Variants in H3C3 observed in about 807,000 individuals in gnomAD.
H3C3 encodes the protein histone H3.1.
Under a neutral mutation model 7.7 loss-of-function variants are expected in H3C3, and 14 were observed. That is an observed-to-expected ratio of 1.81 (90% confidence interval 1.20 to 2.83). The LOEUF (loss-of-function observed/expected upper bound fraction) is 2.83, where lower values mean the gene tolerates loss of function less well. Among genes scored for constraint, H3C3 ranks in the 30% most tolerant of loss-of-function variants. The pLI, the probability that H3C3 is intolerant of heterozygous loss-of-function variation, is 0.00. For synonymous variants in H3C3, 178 were observed against 77.1 expected (o/e 2.31, Z -6.86); for missense variants, 205 against 191.2 (o/e 1.07, Z -0.43).
rs372805543 is a variant in H3C3, at chr6:26,045,385, C to A, written c.-26C>A. The A allele has an allele frequency of 6.3e-7, 1 of 1,587,046 alleles. No individual in the cohort carries two copies. The highest frequency in any genetic ancestry group is 1.4e-5 in the African/African-American group (1 of 72,928). On this transcript the variant is annotated 5_prime_UTR_variant, in exon 1 of 1. Transcript: ENST00000612966. ...AAGGCCACTTGCTCTCAGTTCACTA[C>A]ACTTTTGTGTGTGCTCTCATTGCAA...
chr6:26,045,640 A>C lies in H3C3; in HGVS notation c.230A>C (p.Gln77Pro). Residue 77 changes from glutamine to proline, a missense_variant, in exon 1 of 1, where the codon CAG becomes CCG. By Grantham distance (76) the Gln-to-Pro change is moderately conservative. Coordinates refer to ENST00000612966, the MANE Select transcript of H3C3 (RefSeq NM_003531.3). ...PFQRLVREIA[Q>P]DFKTDLRFQS... ...CAGCGCCTGGTGCGAGAAATCGCCC[A>C]GGACTTCAAAACCGACCTGCGTTTC... 6.2e-7 allele frequency: 1 copy of C among 1,614,260 alleles called. No homozygotes were observed. The highest frequency in any genetic ancestry group is 8.5e-7 in the Non-Finnish European group (1 of 1,180,044).
At position 26,045,828 on chromosome 6, in the gene H3C3, C is replaced by G. The variant is rs776050204; in HGVS notation, c.*7C>G. 1 of 1,610,142 alleles carries G rather than the reference C, an allele frequency of 6.2e-7. No individual in the cohort carries two copies. The highest frequency in any genetic ancestry group is 1.3e-5 in the African/African-American group (1 of 74,666). On this transcript the variant is annotated 3_prime_UTR_variant, in exon 1 of 1. Transcript: ENST00000612966. ...CCGTGGGGAAAGGGCATAAGTCTGC[C>G]CGTTTCTTCCTCATTGAAAAGGCTC... is the stretch of plus-strand genomic sequence containing the variant.
In H3C3 at chr6:26,045,390, T is replaced by G. The variant is rs377019062; in HGVS notation, c.-21T>G. The G allele has an allele frequency of 1.9e-6, 3 of 1,590,444 alleles. No individual in the cohort carries two copies. The highest frequency in any genetic ancestry group is 2.6e-6 in the Non-Finnish European group (3 of 1,173,986). On this transcript the variant is annotated 5_prime_UTR_variant, in exon 1 of 1. Transcript: ENST00000612966. ...CACTTGCTCTCAGTTCACTACACTT[T>G]TGTGTGTGCTCTCATTGCAAATGGC...
Position 26,045,576 on chromosome 6 carries a change from C to T in H3C3, c.166C>T (p.Gln56Ter), listed in dbSNP as rs1415819059. 2.5e-6 allele frequency: 4 copies of T among 1,614,080 alleles called. No homozygotes were observed. Among genetic ancestry groups the T allele is most frequent in the Admixed American group, 3.3e-5 (2 of 60,004 alleles). The change falls in exon 1 of 1, where the codon CAG becomes TAG. Residue 56 changes from glutamine to a stop codon, truncating the protein, a stop_gained. Coordinates refer to ENST00000612966, the MANE Select transcript of H3C3 (RefSeq NM_003531.3). LOFTEE classifies it high-confidence loss of function. Reference sequence around the variant, plus strand: ...GGCCTTGCGCGAAATCCGTCGCTACCAGAAGTCCACCGAGCTGCTGATCCG... The same window carrying T: ...GGCCTTGCGCGAAATCCGTCGCTACTAGAAGTCCACCGAGCTGCTGATCCG... Reference protein sequence around the residue: ...TVALREIRRYQKSTELLIRKL... With the variant: ...TVALREIRRY
At position 26,045,504 on chromosome 6, in the gene H3C3, G is replaced by T. The variant is rs1761728388; in HGVS notation, c.94G>T (p.Ala32Ser). ...TAAAGCAGCCCGTAAGAGCGCTCCG[G>T]CCACCGGTGGCGTGAAGAAACCTCA... ...ATKAARKSAPATGGVKKPHRY... is the reference protein window; with the variant it reads ...ATKAARKSAPSTGGVKKPHRY... The change falls in exon 1 of 1, where the codon GCC becomes TCC. Residue 32 changes from alanine to serine, a missense_variant. Coordinates refer to ENST00000612966, the MANE Select transcript of H3C3 (RefSeq NM_003531.3). The T allele has an allele frequency of 6.2e-7, 1 of 1,613,012 alleles. No homozygotes were observed. Among genetic ancestry groups the T allele is most frequent in the Non-Finnish European group, 8.5e-7 (1 of 1,179,652 alleles).
chr6:26,045,539 C>T lies in H3C3; in HGVS notation c.129C>T (p.Arg43=), dbSNP rs1761729339. Residue 43 remains arginine (R), a synonymous_variant, in exon 1 of 1, where the codon CGC becomes CGT. Coordinates refer to ENST00000612966, the MANE Select transcript of H3C3 (RefSeq NM_003531.3). ...GCGTGAAGAAACCTCATCGCTACCG[C>T]CCGGGCACCGTGGCCTTGCGCGAAA... ...TGGVKKPHRY[R]PGTVALREIR... is the part of the protein sequence containing the mutation. 6.2e-7 allele frequency: 1 copy of T among 1,614,074 alleles called. No individual in the cohort carries two copies. Among genetic ancestry groups the T allele is most frequent in the Non-Finnish European group, 8.5e-7 (1 of 1,179,922 alleles).
In H3C3 at chr6:26,045,659, G is replaced by A; in HGVS notation, c.249G>A (p.Leu83=). 1 of 1,614,254 alleles carries A rather than the reference G, an allele frequency of 6.2e-7. No individual in the cohort carries two copies. Among genetic ancestry groups the A allele is most frequent in the Middle Eastern group, 1.6e-4 (1 of 6,062 alleles). The stretch of plus-strand genomic sequence containing the variant: ...TCGCCCAGGACTTCAAAACCGACCT[G>A]CGTTTCCAGAGCTCTGCGGTGATGG... ...REIAQDFKTD[L]RFQSSAVMAL... is the part of the protein sequence containing the mutation. The change falls in exon 1 of 1, where the codon CTG becomes CTA. Residue 83 remains leucine (L), a synonymous_variant. Coordinates refer to ENST00000612966, the MANE Select transcript of H3C3 (RefSeq NM_003531.3).
chr6:26,045,437 C>CA lies in H3C3; in HGVS notation c.29dup (p.Ser11ValfsTer14). 2 of 1,610,010 alleles carry CA rather than the reference C, an allele frequency of 1.2e-6. No homozygotes were observed. The highest frequency in any genetic ancestry group is 1.7e-6 in the Non-Finnish European group (2 of 1,179,078). On this transcript the variant is annotated frameshift_variant, in exon 1 of 1. Coordinates refer to ENST00000612966, the MANE Select transcript of H3C3 (RefSeq NM_003531.3). LOFTEE classifies it high-confidence loss of function. Reference sequence around the variant, plus strand: ...TGGCTCGTACGAAGCAAACAGCTCGCAAGTCTACCGGCGGCAAAGCTCCGC... The same window carrying CA: ...TGGCTCGTACGAAGCAAACAGCTCGCAAAGTCTACCGGCGGCAAAGCTCCGC...
chr6:26,045,626 G>A lies in H3C3; in HGVS notation c.216G>A (p.Val72=), dbSNP rs143026777. The A allele has an allele frequency of 1.0e-4, 163 of 1,614,254 alleles. No individual in the cohort carries two copies. In the African/African-American group the frequency reaches 1.7e-3, roughly 17 times the overall value. ...LIRKLPFQRL[V]REIAQDFKTD... ...GGAAGCTGCCGTTCCAGCGCCTGGT[G>A]CGAGAAATCGCCCAGGACTTCAAAA... The change falls in exon 1 of 1, where the codon GTG becomes GTA. Residue 72 remains valine (V), a synonymous_variant. Coordinates refer to ENST00000612966, the MANE Select transcript of H3C3 (RefSeq NM_003531.3).
chr6:26,045,610 C>A lies in H3C3; in HGVS notation c.200C>A (p.Pro67Gln). The part of the protein sequence containing the change: ...KSTELLIRKL[P>Q]FQRLVREIAQ... ...ACCGAGCTGCTGATCCGGAAGCTGC[C>A]GTTCCAGCGCCTGGTGCGAGAAATC... Residue 67 changes from proline (P) to glutamine (Q), a missense_variant, in exon 1 of 1, where the codon CCG (proline) becomes CAG (glutamine). Transcript: ENST00000612966. The A allele has an allele frequency of 6.2e-7, 1 of 1,614,258 alleles. No individual in the cohort carries two copies. The highest frequency in any genetic ancestry group is 8.5e-7 in the Non-Finnish European group (1 of 1,180,048).
rs756844355 is a variant in H3C3, at chr6:26,045,865, A to T, written c.*44A>T. 1.7e-5 allele frequency: 27 copies of T among 1,563,524 alleles called. No individual in the cohort carries two copies. In the Admixed American group the frequency reaches 4.8e-4, roughly 28 times the overall value. On this transcript the variant is annotated 3_prime_UTR_variant, in exon 1 of 1. Transcript: ENST00000612966. ...CATTGAAAAGGCTCTTTTCAGAGCC[A>T]CTCACAATTTCACTTAAAAACAGTT...
In H3C3 at chr6:26,045,509, C is replaced by G. The variant is rs3752418; in HGVS notation, c.99C>G (p.Thr33=). The stretch of plus-strand genomic sequence containing the variant: ...CAGCCCGTAAGAGCGCTCCGGCCAC[C>G]GGTGGCGTGAAGAAACCTCATCGCT... ...TKAARKSAPA[T]GGVKKPHRYR... Residue 33 remains threonine, a synonymous_variant, in exon 1 of 1, where the codon ACC becomes ACG. Transcript: ENST00000612966. The G allele has an allele frequency of 0.098, 158,498 of 1,613,136 alleles. 15,570 individuals carry two copies. The highest frequency in any genetic ancestry group is 0.58 in the East Asian group (25,915 of 44,866).
In H3C3 at chr6:26,045,762, G is replaced by C; in HGVS notation, c.352G>C (p.Val118Leu). ...TNLCAIHAKR[V>L]TIMPKDIQLA... ...TCTGTGCGCTATTCACGCTAAACGCGTCACCATCATGCCCAAAGATATCCA... is the reference window on the plus strand; with the variant it reads ...TCTGTGCGCTATTCACGCTAAACGCCTCACCATCATGCCCAAAGATATCCA... Residue 118 changes from valine to leucine, a missense_variant, in exon 1 of 1, where the codon GTC becomes CTC. Physicochemically the swap from Val to Leu is conservative, Grantham distance 32 (BLOSUM62 1). Transcript: ENST00000612966. 1 of 1,614,200 alleles carries C rather than the reference G, an allele frequency of 6.2e-7. No homozygotes were observed. The highest frequency in any genetic ancestry group is 8.5e-7 in the Non-Finnish European group (1 of 1,180,034).
Position 26,045,614 on chromosome 6 carries a change from C to A in H3C3, c.204C>A (p.Phe68Leu), listed in dbSNP as rs576312429. Residue 68 changes from phenylalanine (F) to leucine (L), a missense_variant, in exon 1 of 1, where the codon TTC (phenylalanine) becomes TTA (leucine). Coordinates refer to ENST00000612966, the MANE Select transcript of H3C3 (RefSeq NM_003531.3). ...STELLIRKLP[F>L]QRLVREIAQD... is the part of the protein sequence containing the mutation. ...AGCTGCTGATCCGGAAGCTGCCGTT[C>A]CAGCGCCTGGTGCGAGAAATCGCCC... The A allele has an allele frequency of 1.4e-5, 23 of 1,614,126 alleles. No homozygotes were observed. Among genetic ancestry groups the A allele is most frequent in the African/African-American group, 2.7e-5 (2 of 74,944 alleles).
Sources: allele counts gnomAD v4.1 joint callset, GRCh38; gene constraint gnomAD v4.1.1; transcripts MANE v1.5; gene names NCBI Gene and HGNC (gene_info 2026-07-23, HGNC 2026-07-21).